Variants in ULK4 observed in about 807,000 individuals in gnomAD.
ULK4 encodes unc-51 like kinase 4, also known as inactive serine/threonine-protein kinase ULK4.
A neutral mutation model predicts 160.6 loss-of-function variants in ULK4; 133 were observed. That is an observed-to-expected ratio of 0.83 (90% CI 0.72 to 0.96). The LOEUF (loss-of-function observed/expected upper bound fraction) is 0.96, where lower values mean the gene tolerates loss of function less well. ULK4 is among the 40% of genes least tolerant of loss of function. The pLI, the probability that ULK4 is intolerant of heterozygous loss-of-function variation, is 0.00. For missense variants in ULK4, 1,580 were observed against 1,499.5 expected, an observed-to-expected ratio of 1.05 and a Z score of -0.89; for synonymous variants, 534 against 539.8, an observed-to-expected ratio of 0.99 and a Z score of 0.15.
intron 17 of ULK4, among the ~76,000 whole-genome samples, chr3:41,848,897 C>G (rs1356948593): frequency 6.6e-6 from 1 of 152,218 alleles, no homozygotes; most frequent in Non-Finnish European, 1.5e-5. Context: ...TTCCTTGACA[C>G]AAAAACATTT....
At chr3:41,519,749 T>C (rs765660419) in intron 32 of ULK4, among the ~76,000 whole-genome samples, 1 of 152,380 alleles carries the variant, frequency 6.6e-6, no homozygotes, top group East Asian at 1.9e-4. Context: ...ACCTGACTCA[T>C]GTTTGAGAGG....
chr3:41,810,595 G>A (rs1221657198), intron 19 of ULK4, among the ~76,000 whole-genome samples: 1 of 152,132 alleles, frequency 6.6e-6, no homozygotes, highest in Admixed American at 6.5e-5. Flanking sequence ...CAGGAGGATC[G>A]CTTGAGCTTA....
chr3:41,586,477 G>C (rs970583168), intron 31 of ULK4, among the ~76,000 whole-genome samples: 3 of 152,118 alleles, frequency 2.0e-5, no homozygotes, highest in Non-Finnish European at 4.4e-5. Flanking sequence ...ACAGGTGACT[G>C]CAAAGAGATT....
At chr3:41,839,715 A>G (rs1479317027) in intron 17 of ULK4, among the ~76,000 whole-genome samples, 3 of 152,122 alleles carry the variant, frequency 2.0e-5, no homozygotes, top group African/African-American at 4.8e-5. Flanking sequence ...AAAACTCCCT[A>G]GAACTAGTGA....
chr3:41,773,809 T>A (rs952417098), intron 21 of ULK4, among the ~76,000 whole-genome samples: 2 of 152,130 alleles, frequency 1.3e-5, no homozygotes, highest in African/African-American at 4.8e-5. Context: ...TCACGCTACC[T>A]GACTTCAAAC....
In ULK4 at chr3:41,644,891, G is replaced by C. The variant is rs566611750; in HGVS notation, c.3071+18716C>G. On this transcript the variant is annotated intron_variant, in intron 30 of 36. Coordinates refer to ENST00000301831, the MANE Select transcript of ULK4 (RefSeq NM_017886.4). ...TCAGATACTGTTACTGGTCTATTCA[G>C]AGATTCAACTTCTTCCTGGTTTAGT... 8.5e-5 allele frequency among the ~76,000 whole-genome samples: 13 copies of C among 152,326 alleles called. No individual in the cohort carries two copies. The South Asian group carries it at 2.7e-3, about 32-fold the overall frequency.
intron 15 of ULK4, 90 bp from the exon 16 acceptor site, chr3:41,895,654 A>G (rs764606530): frequency 1.1e-5 from 8 of 722,694 alleles, no homozygotes; most frequent in African/African-American, 3.7e-5. Flanking sequence ...TTAACAGCTC[A>G]GGACTTTATA....
chr3:41,550,632 G>A (rs1691973), intron 32 of ULK4, among the ~76,000 whole-genome samples: 77,480 of 151,640 alleles, frequency 0.51, 19,888 homozygotes, highest in Middle Eastern at 0.57. Flanking sequence ...CAGAACCCAG[G>A]TATATAAAGT....
chr3:41,246,701 CT>C lies in ULK4; in HGVS notation c.*227del, dbSNP rs2078650460. On this transcript the variant is annotated 3_prime_UTR_variant, in exon 37 of 37. Transcript: ENST00000301831. Reference sequence around the variant, plus strand: ...ACATTTCTGAGAACAGCTAACAAACCTGGGCTTCCCAGATGCATTCCACAGG... The same window carrying C: ...ACATTTCTGAGAACAGCTAACAAACCGGGCTTCCCAGATGCATTCCACAGG... The C allele has an allele frequency of 1.9e-6, 1 of 524,998 alleles. No homozygotes were observed. Among genetic ancestry groups the C allele is most frequent in the Non-Finnish European group, 3.4e-6 (1 of 292,962 alleles). The allele number at this position is 524,998 out of a possible 1,614,324, so 32.5% of individuals were successfully genotyped here. A position where few individuals can be genotyped will look rare whatever the true frequency, so the allele number is the denominator to read the frequency against.
chr3:41,616,019 T>C (rs1284629751), intron 30 of ULK4, among the ~76,000 whole-genome samples: 2 of 152,186 alleles, frequency 1.3e-5, no homozygotes, highest in South Asian at 2.1e-4. Flanking sequence ...TCAAAATAGG[T>C]AATATCAGCT....
chr3:41,585,323 A>C (rs146079042), intron 31 of ULK4, among the ~76,000 whole-genome samples: 2 of 152,342 alleles, frequency 1.3e-5, no homozygotes, highest in East Asian at 3.9e-4. Flanking sequence ...AAACACAGAC[A>C]TATAAACCAA....
chr3:41,546,270 T>C (rs1431742231), intron 32 of ULK4, among the ~76,000 whole-genome samples: 1 of 152,136 alleles, frequency 6.6e-6, no homozygotes, highest in Non-Finnish European at 1.5e-5. Flanking sequence ...TGGTGGCTCT[T>C]TTGACCCCAA....
intron 30 of ULK4, among the ~76,000 whole-genome samples, chr3:41,618,966 G>T (rs1346972676): frequency 6.6e-6 from 1 of 151,634 alleles, no homozygotes; most frequent in East Asian, 1.9e-4. Context: ...AAAAAGCAGG[G>T]GTTGCAATCC....
At chr3:41,355,048 CTCT>C (rs1206131642) in intron 35 of ULK4, among the ~76,000 whole-genome samples, 1 of 152,168 alleles carries the variant, frequency 6.6e-6, no homozygotes, top group African/African-American at 2.4e-5. Context: ...AGCTAGAAAA[CTCT>C]TGTTTGCCAG....
intron 34 of ULK4, among the ~76,000 whole-genome samples, chr3:41,437,423 C>T (rs551970623): frequency 6.6e-6 from 1 of 152,286 alleles, no homozygotes; most frequent in South Asian, 2.1e-4. Flanking sequence ...GCTAAAATCA[C>T]TATGTAGATA....
chr3:41,486,164 A>C lies in ULK4; in HGVS notation c.3227-22911T>G, dbSNP rs2125901629. Among the ~76,000 whole-genome samples, 3 of 152,282 alleles carry C rather than the reference A, an allele frequency of 2.0e-5. No individual in the cohort carries two copies. The Middle Eastern group carries it at 0.01, about 518-fold the overall frequency. ...AATATCAGTCTTCCTATTATACCAT[A>C]AATTCCACAGGGGCAGGAATATAAA... On this transcript the variant is annotated intron_variant, in intron 32 of 36. Coordinates refer to ENST00000301831, the MANE Select transcript of ULK4 (RefSeq NM_017886.4).
At chr3:41,867,646 G>T (rs1696944606) in intron 17 of ULK4, among the ~76,000 whole-genome samples, 1 of 152,164 alleles carries the variant, frequency 6.6e-6, no homozygotes, top group Admixed American at 6.5e-5. Context: ...CAAAGTGCTG[G>T]GATTACAGGC....
At chr3:41,381,630 T>C (rs771606978) in intron 35 of ULK4, among the ~76,000 whole-genome samples, 46 of 152,156 alleles carry the variant, frequency 3.0e-4, no homozygotes, top group Non-Finnish European at 6.5e-4. Flanking sequence ...TCAAGATATA[T>C]CCAAAATATA....
intron 34 of ULK4, among the ~76,000 whole-genome samples, chr3:41,439,515 TTGAG>T (rs1559602519): frequency 6.6e-6 from 1 of 152,198 alleles, no homozygotes; most frequent in Non-Finnish European, 1.5e-5. Flanking sequence ...AACAGCTTTC[TTGAG>T]TGATAACTGA....
Sources: allele counts gnomAD v4.1 joint callset (sites outside exome capture counted in the v4.1 genomes callset), GRCh38; gene constraint gnomAD v4.1.1; transcripts MANE v1.5; gene names NCBI Gene and HGNC (gene_info 2026-07-23, HGNC 2026-07-21).